The following ACCSL variants were observed in gnomAD, a reference collection of about 807,000 sequenced individuals.
ACCSL encodes the protein probable inactive 1-aminocyclopropane-1-carboxylate synthase-like protein 2.
ACCSL carries 55 observed loss-of-function variants against 61.7 expected under a neutral mutation model. The ratio of observed to expected loss-of-function variants is 0.89; its 90% CI spans 0.72 to 1.12. ACCSL has a LOEUF of 1.12. Ranked by LOEUF, ACCSL falls within the 50% of genes most tolerant of loss-of-function variation. The probability of loss-of-function intolerance (pLI) is 0.00; values close to 1 mark genes in which losing one functional copy is unlikely to be tolerated. For missense variants in ACCSL, 632 were observed against 698.0 expected (o/e 0.91, Z 1.07); for synonymous variants, 258 against 264.3 (o/e 0.98, Z 0.23).
the ACCSL span, among the ~76,000 whole-genome samples, chr11:43,932,360 C>A: frequency 6.6e-6 from 1 of 152,246 alleles, no homozygotes; most frequent in Non-Finnish European, 1.5e-5. Context: ...CTCCGCCTCC[C>A]GGGTTCAAGC....
chr11:44,056,452 C>T, intron 11 of ACCSL, 126 bp downstream of exon 11: 1 of 1,298,372 alleles, frequency 7.7e-7, no homozygotes, highest in Non-Finnish European at 1.0e-6. Context: ...TCAGATTTAA[C>T]TGTGGTAAGA....
chr11:44,030,386 G>C, the ACCSL span, among the ~76,000 whole-genome samples: 31 of 150,848 alleles, frequency 2.1e-4, no homozygotes, highest in East Asian at 3.4e-3. Flanking sequence ...AGAAGCCTAG[G>C]CCCCCTCCCC....
At chr11:44,049,972 G>T in intron 1 of ACCSL, 90 bp from the exon 2 acceptor site, 1 of 1,553,204 alleles carries the variant, frequency 6.4e-7, no homozygotes, top group Non-Finnish European at 8.9e-7. Flanking sequence ...CTCATAGGCA[G>T]TGAGATCTCC....
At chr11:43,960,738 A>G in the ACCSL span, among the ~76,000 whole-genome samples, 2 of 152,102 alleles carry the variant, frequency 1.3e-5, no homozygotes, top group African/African-American at 4.8e-5. Context: ...CTTTGACCCA[A>G]AAGTTGTTTA....
At chr11:43,923,193 G>A in the ACCSL span, among the ~76,000 whole-genome samples, 3 of 152,174 alleles carry the variant, frequency 2.0e-5, no homozygotes, top group Non-Finnish European at 2.9e-5. Context: ...CCTGCAGTGC[G>A]CTGAATGCTC....
At chr11:44,040,539 C>T in the ACCSL span, among the ~76,000 whole-genome samples, 1 of 152,114 alleles carries the variant, frequency 6.6e-6, no homozygotes, top group Non-Finnish European at 1.5e-5. Context: ...TCACCTTGTG[C>T]CTACAAGCAG....
At chr11:44,029,635 C>T in the ACCSL span, among the ~76,000 whole-genome samples, 1 of 152,142 alleles carries the variant, frequency 6.6e-6, no homozygotes, top group Non-Finnish European at 1.5e-5. Context: ...TTCAGCTGCC[C>T]CATCTGCATG....
chr11:43,950,191 A>G, the ACCSL span, among the ~76,000 whole-genome samples: 1 of 152,178 alleles, frequency 6.6e-6, no homozygotes, highest in Admixed American at 6.5e-5. Context: ...TCTGGATGGA[A>G]CCAATGTACA....
At chr11:44,009,395 A>T in the ACCSL span, among the ~76,000 whole-genome samples, 5 of 152,302 alleles carry the variant, frequency 3.3e-5, no homozygotes, top group African/African-American at 1.2e-4. Flanking sequence ...TTGTAGAAGG[A>T]TTAGCAGAGT....
chr11:44,055,379 T>C (rs1411395775), intron 9 of ACCSL, 88 bp downstream of exon 9: 7 of 983,940 alleles, frequency 7.1e-6, no homozygotes, highest in African/African-American at 1.6e-5. Context: ...CTTAACTCAG[T>C]TCCTAGCACA....
chr11:43,989,449 A>G, the ACCSL span, among the ~76,000 whole-genome samples: 5 of 152,282 alleles, frequency 3.3e-5, no homozygotes, highest in South Asian at 1.0e-3. Context: ...CTCCTGGTCT[A>G]TTTTGAGAAG....
At chr11:43,943,335 C>T in the ACCSL span, 2 of 1,413,938 alleles carry the variant, frequency 1.4e-6, no homozygotes. This position sits in a 1 kb window ranked among gnomAD's most constrained non-coding sequence, Gnocchi z 4.8. Context: ...GGCGTGTGAA[C>T]CCCGAGAGTG....
At chr11:43,941,232 G>A in the ACCSL span, among the ~76,000 whole-genome samples, 1 of 152,070 alleles carries the variant, frequency 6.6e-6, no homozygotes. Context: ...TGCATCCCCA[G>A]CTCATCGCCC....
the ACCSL span, among the ~76,000 whole-genome samples, chr11:44,036,689 G>A: frequency 1.3e-5 from 2 of 151,866 alleles, no homozygotes; most frequent in African/African-American, 4.8e-5. Flanking sequence ...GGCTGAGGCA[G>A]GAGCATCGCT....
At chr11:43,962,242 GC>G in the ACCSL span, among the ~76,000 whole-genome samples, 1 of 152,208 alleles carries the variant, frequency 6.6e-6, no homozygotes, top group Non-Finnish European at 1.5e-5. Context: ...GATATCATAG[GC>G]TGGAAATCTA....
At chr11:43,925,395 A>G in the ACCSL span, 1 of 456,072 alleles carries the variant, frequency 2.2e-6, no homozygotes, top group Admixed American at 2.3e-5. Flanking sequence ...CAGCCCTCCA[A>G]GGAGTGGTAT....
the ACCSL span, among the ~76,000 whole-genome samples, chr11:44,006,921 C>T: frequency 3.2e-4 from 48 of 152,276 alleles, no homozygotes; most frequent in Non-Finnish European, 3.5e-4. Flanking sequence ...CTCCTCCCCG[C>T]GGTTGGACAT....
At chr11:44,042,273 A>C in the ACCSL span, among the ~76,000 whole-genome samples, 1 of 152,220 alleles carries the variant, frequency 6.6e-6, no homozygotes, top group Non-Finnish European at 1.5e-5. Context: ...CCTGTGAGAC[A>C]GTCTGGGCCA....
the ACCSL span, among the ~76,000 whole-genome samples, chr11:44,006,116 A>C: frequency 1.3e-5 from 2 of 152,240 alleles, no homozygotes; most frequent in Admixed American, 6.5e-5. Context: ...GAACTGGACC[A>C]GTCTGAAAGA....
Sources: allele counts gnomAD v4.1 joint callset (sites outside exome capture counted in the v4.1 genomes callset), GRCh38; gene constraint gnomAD v4.1.1; non-coding constraint Gnocchi (gnomAD v3.1); transcripts MANE v1.5; gene names NCBI Gene and HGNC (gene_info 2026-07-23, HGNC 2026-07-21).